Variants in PAPSS1 observed in about 807,000 individuals in gnomAD.
PAPSS1 encodes the protein bifunctional 3'-phosphoadenosine 5'-phosphosulfate synthase 1.
Under a neutral mutation model 72.0 loss-of-function variants are expected in PAPSS1, and 50 were observed. That is an observed-to-expected ratio of 0.69 (90% CI 0.55 to 0.88). The LOEUF (loss-of-function observed/expected upper bound fraction) is 0.88. Among genes scored for constraint, PAPSS1 ranks in the 40% least tolerant of loss-of-function variants. The probability of loss-of-function intolerance (pLI) is 0.00; values close to 1 mark genes in which losing one functional copy is unlikely to be tolerated. For synonymous variants in PAPSS1, 261 were observed against 263.6 expected (o/e 0.99, Z 0.09); for missense variants, 657 against 782.2 (o/e 0.84, Z 1.91).
intron 6 of PAPSS1, among the ~76,000 whole-genome samples, chr4:107,658,902 C>T (rs1727091845): frequency 6.6e-6 from 1 of 152,112 alleles, no homozygotes; most frequent in Non-Finnish European, 1.5e-5. Flanking sequence ...GTGTGCCTTC[C>T]AGATGCTCTG....
chr4:107,692,475 T>C lies in PAPSS1; in HGVS notation c.411+1296A>G, dbSNP rs182147869. Among the ~76,000 whole-genome samples the C allele has an allele frequency of 3.2e-4, 48 of 152,022 alleles. No individual in the cohort carries two copies. In the South Asian group the frequency reaches 9.5e-3, roughly 30 times the overall value. ...CGTCAGAATGGCTGTTATTAGAAAA[T>C]CAGGAAACAATAGATGCTGGTGAGC... On this transcript the variant is annotated intron_variant, in intron 3 of 11. Transcript: ENST00000265174.
At chr4:107,687,263 T>G (rs1260972816) in intron 3 of PAPSS1, 86 bp from the exon 4 acceptor site, 5 of 972,440 alleles carry the variant, frequency 5.1e-6, no homozygotes, top group Non-Finnish European at 1.4e-6. Context: ...GTGCTTCTCA[T>G]CCAATTTAGT....
At chr4:107,698,200 G>T (rs1018029501) in intron 2 of PAPSS1, among the ~76,000 whole-genome samples, 1 of 152,052 alleles carries the variant, frequency 6.6e-6, no homozygotes, top group Non-Finnish European at 1.5e-5. Context: ...AACACGTCTA[G>T]CAAAACAGCA....
chr4:107,674,273 T>C (rs1281802783), intron 5 of PAPSS1, among the ~76,000 whole-genome samples: 3 of 152,164 alleles, frequency 2.0e-5, no homozygotes, highest in Non-Finnish European at 4.4e-5. Flanking sequence ...ATCAGTGTGC[T>C]GTATTCAGGA....
At chr4:107,703,234 G>A (rs1723249425) in intron 1 of PAPSS1, among the ~76,000 whole-genome samples, 1 of 151,850 alleles carries the variant, frequency 6.6e-6, no homozygotes, top group South Asian at 2.1e-4. Context: ...TGAGTTGTTT[G>A]GCTTCCTATT....
At chr4:107,664,892 G>GT in intron 5 of PAPSS1, among the ~76,000 whole-genome samples, 1 of 152,124 alleles carries the variant, frequency 6.6e-6, no homozygotes, top group South Asian at 2.1e-4. Context: ...TTCATATTTT[G>GT]TTTTTGAGTC....
intron 6 of PAPSS1, among the ~76,000 whole-genome samples, chr4:107,659,144 T>C (rs1245500299): frequency 6.6e-6 from 1 of 152,198 alleles, no homozygotes; most frequent in Non-Finnish European, 1.5e-5. Flanking sequence ...TAGTTCTCCC[T>C]TCTTGTCACT....
At chr4:107,624,359 G>A (rs1168241799) in intron 11 of PAPSS1, among the ~76,000 whole-genome samples, 3 of 152,144 alleles carry the variant, frequency 2.0e-5, no homozygotes, top group Non-Finnish European at 2.9e-5. Context: ...TCAATTGTAT[G>A]GTCAGTGGTT....
At chr4:107,651,105 CAAAG>C (rs1473188081) in intron 9 of PAPSS1, among the ~76,000 whole-genome samples, 1 of 152,134 alleles carries the variant, frequency 6.6e-6, no homozygotes, top group Non-Finnish European at 1.5e-5. Flanking sequence ...GTATAGCACT[CAAAG>C]AAGTTTCTGT....
chr4:107,654,707 GTGGTTC>G lies in PAPSS1; in HGVS notation c.1083_1088del (p.Lys361_His363delinsAsn), dbSNP rs753641955. Reference sequence around the variant, plus strand: ...GTTTTTTCAGCACCTTAATATAGGGGTGGTTCTTGCATGTCGTTCCCCACTGTCTGG... The same window carrying G: ...GTTTTTTCAGCACCTTAATATAGGGGTTGCATGTCGTTCCCCACTGTCTGG... On this transcript the variant is annotated inframe_deletion, in exon 8 of 12. Coordinates refer to ENST00000265174, the MANE Select transcript of PAPSS1 (RefSeq NM_005443.5). The G allele has an allele frequency of 1.2e-6, 2 of 1,612,418 alleles. No homozygotes were observed. The highest frequency in any genetic ancestry group is 2.7e-5 in the African/African-American group (2 of 74,822).
At chr4:107,626,447 A>G (rs938823198) in intron 11 of PAPSS1, among the ~76,000 whole-genome samples, 1 of 152,256 alleles carries the variant, frequency 6.6e-6, no homozygotes, top group African/African-American at 2.4e-5. Flanking sequence ...AATTACCTCT[A>G]AAAGTTTATT....
At chr4:107,680,094 A>C (rs1053313050) in intron 5 of PAPSS1, among the ~76,000 whole-genome samples, 1 of 152,158 alleles carries the variant, frequency 6.6e-6, no homozygotes, top group Non-Finnish European at 1.5e-5. Context: ...ATTATTCAAC[A>C]TATGTGTAAC....
intron 1 of PAPSS1, among the ~76,000 whole-genome samples, chr4:107,711,939 T>C (rs970794851): frequency 3.3e-5 from 5 of 152,242 alleles, no homozygotes; most frequent in Non-Finnish European, 2.9e-5. Flanking sequence ...AAATATGCTG[T>C]GTGGCAACAC....
intron 9 of PAPSS1, among the ~76,000 whole-genome samples, chr4:107,646,310 TACAC>T (rs770278061): frequency 1.5e-3 from 146 of 99,998 alleles, no homozygotes; most frequent in African/African-American, 3.8e-3. Flanking sequence ...TATATATATA[TACAC>T]ACACACACAC....
chr4:107,675,544 T>C (rs187601706), intron 5 of PAPSS1, among the ~76,000 whole-genome samples: 1 of 152,250 alleles, frequency 6.6e-6, no homozygotes, highest in East Asian at 1.9e-4. Flanking sequence ...CAATAATTAA[T>C]AACTTACCAA....
intron 10 of PAPSS1, 141 bp from the exon 11 acceptor site, chr4:107,632,001 G>T: frequency 1.6e-6 from 1 of 629,222 alleles, no homozygotes; most frequent in Non-Finnish European, 2.6e-6. Flanking sequence ...ATCATCCTGG[G>T]AAGCCAGAAA....
intron 11 of PAPSS1, among the ~76,000 whole-genome samples, chr4:107,621,606 A>ATTTTTTTTTTTT (rs1382723816): frequency 5.1e-4 from 26 of 50,498 alleles, no homozygotes; most frequent in Non-Finnish European, 8.2e-4. Flanking sequence ...CAGGTTTTTT[A>ATTTTTTTTTTTT]TCTTTTTTTT....
intron 5 of PAPSS1, among the ~76,000 whole-genome samples, chr4:107,663,279 A>G (rs1300997036): frequency 6.6e-6 from 1 of 152,178 alleles, no homozygotes; most frequent in East Asian, 1.9e-4. Context: ...AATATGAAGT[A>G]AAAAAAGAGG....
intron 11 of PAPSS1, among the ~76,000 whole-genome samples, chr4:107,617,224 T>TC (rs1491013835): frequency 1.4e-5 from 2 of 147,230 alleles, no homozygotes; most frequent in East Asian, 2.0e-4. Context: ...TTTTTTTTTT[T>TC]CACCACCGGC....
Sources: gnomAD v4.1 joint callset for allele counts (sites outside exome capture counted in the v4.1 genomes callset) on GRCh38, gnomAD v4.1.1 for gene constraint, MANE v1.5 for transcripts, NCBI Gene and HGNC (gene_info 2026-07-23, HGNC 2026-07-21) for gene names.